The following CDS1 variants were observed in gnomAD, a reference collection of about 807,000 sequenced individuals.
The protein encoded by CDS1 is CDP-diacylglycerol synthase 1.
A neutral mutation model predicts 62.1 loss-of-function variants in CDS1; 41 were observed. The ratio of observed to expected loss-of-function variants is 0.66; its 90% CI spans 0.51 to 0.86. The LOEUF (loss-of-function observed/expected upper bound fraction) is 0.86. Ranked by LOEUF, CDS1 falls within the 40% of genes least tolerant of loss-of-function variation. The probability of loss-of-function intolerance (pLI) is 0.00; values close to 1 mark genes in which losing one functional copy is unlikely to be tolerated. For synonymous variants in CDS1, 185 were observed against 192.6 expected (o/e 0.96, Z 0.32); for missense variants, 470 against 550.1 (o/e 0.85, Z 1.46).
chr4:84,649,743 T>C lies in CDS1; in HGVS notation c.*1057T>C, dbSNP rs547339478. 3 of 152,302 alleles carry C rather than the reference T, an allele frequency of 2.0e-5. No individual in the cohort carries two copies. Among genetic ancestry groups the C allele is most frequent in the East Asian group, 3.9e-4 (2 of 5,180 alleles). 9.4% of individuals were successfully genotyped at this position (152,302 alleles called of 1,614,324 possible). On this transcript the variant is annotated 3_prime_UTR_variant, in exon 13 of 13. Transcript: ENST00000295887. ...TGATCCCAGTCCAGCTTTTTGACCA[T>C]AGGTCATCTTTGTCCCCTTGCTCCT...
intron 3 of CDS1, among the ~76,000 whole-genome samples, chr4:84,613,085 G>GATAT (rs145991468): frequency 6.8e-6 from 1 of 148,108 alleles, no homozygotes; most frequent in African/African-American, 2.5e-5. Flanking sequence ...TACATGCATA[G>GATAT]ATATATATAT....
intron 5 of CDS1, among the ~76,000 whole-genome samples, chr4:84,630,017 C>CT (rs1723972011): frequency 6.6e-6 from 1 of 152,110 alleles, no homozygotes; most frequent in African/African-American, 2.4e-5. Context: ...TGGTTTCTGT[C>CT]TTGTGTCTCT....
At chr4:84,642,868 A>C (rs1053778138) in intron 10 of CDS1, among the ~76,000 whole-genome samples, 156 bp from the exon 11 acceptor site, 2 of 152,174 alleles carry the variant, frequency 1.3e-5, no homozygotes, top group Admixed American at 6.5e-5. Flanking sequence ...GCTTAAATAG[A>C]CTTTTCTTCC....
At chr4:84,613,148 A>G (rs1458806415) in intron 3 of CDS1, among the ~76,000 whole-genome samples, 3 of 152,100 alleles carry the variant, frequency 2.0e-5, no homozygotes, top group African/African-American at 7.2e-5. Context: ...TGATTCACAC[A>G]TATAGTTGGT....
intron 2 of CDS1, among the ~76,000 whole-genome samples, chr4:84,605,413 C>T (rs553709311): frequency 3.1e-4 from 47 of 151,420 alleles, no homozygotes; most frequent in Non-Finnish European, 4.6e-4. Flanking sequence ...CTAGTTTAGT[C>T]GTATCTAGTA....
intron 11 of CDS1, among the ~76,000 whole-genome samples, chr4:84,644,718 T>G (rs1724501939): frequency 6.6e-6 from 1 of 152,190 alleles, no homozygotes; most frequent in Non-Finnish European, 1.5e-5. Flanking sequence ...ATGGGCTCAC[T>G]GTAATTTTAT....
intron 5 of CDS1, among the ~76,000 whole-genome samples, chr4:84,622,003 A>C (rs115403036): frequency 6.6e-6 from 1 of 152,222 alleles, no homozygotes; most frequent in Admixed American, 6.5e-5. Flanking sequence ...TGTGTTTATC[A>C]AAGCACATTT....
intron 8 of CDS1, among the ~76,000 whole-genome samples, chr4:84,636,871 C>T (rs1339833226): frequency 1.3e-5 from 2 of 152,178 alleles, no homozygotes; most frequent in African/African-American, 4.8e-5. Flanking sequence ...TCACACATTT[C>T]ACATTATTGG....
intron 1 of CDS1, among the ~76,000 whole-genome samples, chr4:84,590,626 A>G (rs1165739007): frequency 1.3e-5 from 2 of 152,210 alleles, no homozygotes; most frequent in Non-Finnish European, 2.9e-5. Flanking sequence ...TAAGGACAAT[A>G]CTTGAGCCAA....
At chr4:84,633,626 C>T (rs1578048193) in intron 6 of CDS1, among the ~76,000 whole-genome samples, 1 of 152,030 alleles carries the variant, frequency 6.6e-6, no homozygotes, top group East Asian at 1.9e-4. Flanking sequence ...AATTAGAATT[C>T]TATTTATATA....
intron 1 of CDS1, among the ~76,000 whole-genome samples, chr4:84,602,941 T>C (rs1202163749): frequency 6.6e-6 from 1 of 152,222 alleles, no homozygotes; most frequent in East Asian, 1.9e-4. Context: ...CGTAATTGTG[T>C]ACTTAAAAAG....
chr4:84,611,115 C>T (rs1438887137), intron 3 of CDS1, among the ~76,000 whole-genome samples: 3 of 152,106 alleles, frequency 2.0e-5, no homozygotes, highest in Non-Finnish European at 1.5e-5. Flanking sequence ...TTGGGGAGGA[C>T]CATCACAGGC....
chr4:84,625,580 A>T (rs948903244), intron 5 of CDS1, among the ~76,000 whole-genome samples: 3 of 152,144 alleles, frequency 2.0e-5, no homozygotes, highest in Non-Finnish European at 4.4e-5. Flanking sequence ...TGCAGGCATG[A>T]GAATGAGAAA....
chr4:84,636,942 T>C (rs1724231024), intron 8 of CDS1, among the ~76,000 whole-genome samples: 2 of 152,240 alleles, frequency 1.3e-5, no homozygotes, highest in Admixed American at 1.3e-4. Context: ...GATATTGTTA[T>C]ATGAATGCAG....
Position 84,625,950 on chromosome 4 carries a change from G to A in CDS1, c.581-5869G>A, listed in dbSNP as rs141462712. On this transcript the variant is annotated intron_variant, in intron 5 of 12. Transcript: ENST00000295887. ...TGGGAGGCTGAGGTGGGTGGATCAC[G>A]TGAGGTCAAGAGTTCAAGACCAGCC... Among the ~76,000 whole-genome samples, 950 of 151,678 alleles carry A rather than the reference G, an allele frequency of 6.3e-3. 44 individuals carry two copies. Among genetic ancestry groups the A allele is most frequent in the Admixed American group, 0.059 (891 of 15,226 alleles).
intron 3 of CDS1, 52 bp from the exon 4 acceptor site, chr4:84,617,512 G>T: frequency 1.1e-6 from 1 of 908,928 alleles, no homozygotes; most frequent in East Asian, 2.4e-5. Context: ...GAATGATTAA[G>T]CACAAATGTA....
In CDS1 at chr4:84,635,333, G is replaced by A; in HGVS notation, c.792G>A (p.Gly264=). The change falls in exon 8 of 13, where the codon GGG becomes GGA. Residue 264 remains glycine (G), a synonymous_variant. Transcript: ENST00000295887. ...ITAYLFGFFF[G]RTPLIKLSPK... ...CTTACCTTTTTGGATTTTTTTTTGGGAGAACTCCATTAATTAAGGTAATGG... is the reference window on the plus strand; with the variant it reads ...CTTACCTTTTTGGATTTTTTTTTGGAAGAACTCCATTAATTAAGGTAATGG... 7 of 1,549,418 alleles carry A rather than the reference G, an allele frequency of 4.5e-6. No homozygotes were observed. Among genetic ancestry groups the A allele is most frequent in the Non-Finnish European group, 6.2e-6 (7 of 1,127,722 alleles).
In CDS1 at chr4:84,649,015, G is replaced by A. The variant is rs1724635278; in HGVS notation, c.*329G>A. 2 of 178,794 alleles carry A rather than the reference G, an allele frequency of 1.1e-5. No individual in the cohort carries two copies. Among genetic ancestry groups the A allele is most frequent in the Admixed American group, 6.0e-5 (1 of 16,698 alleles). 11.1% of individuals were successfully genotyped at this position (178,794 alleles called of 1,614,324 possible). ...ACTATAAAATGAGTAAGTTGACGAT[G>A]TTTTAAGATTGCACCTGGCAGTGTG... On this transcript the variant is annotated 3_prime_UTR_variant, in exon 13 of 13. Transcript: ENST00000295887.
Position 84,648,603 on chromosome 4 carries a change from C to T in CDS1, c.1303C>T (p.Pro435Ser). The change falls in exon 13 of 13, where the codon CCT becomes TCT. Residue 435 changes from proline to serine, a missense_variant. By Grantham distance (74) the Pro-to-Ser change is moderately conservative. Coordinates refer to ENST00000295887, the MANE Select transcript of CDS1 (RefSeq NM_001263.4). ...GCTACAGCAGTTGTTGGTGCTTCAA[C>T]CTGAACAGCAGTTAAATATATATAA... The part of the protein sequence containing the change: ...KVLQQLLVLQ[P>S]EQQLNIYKTL... The T allele has an allele frequency of 6.2e-7, 1 of 1,613,848 alleles. No individual in the cohort carries two copies. Among genetic ancestry groups the T allele is most frequent in the South Asian group, 1.1e-5 (1 of 91,044 alleles).
Sources: gnomAD v4.1 joint callset for allele counts (sites outside exome capture counted in the v4.1 genomes callset) on GRCh38, gnomAD v4.1.1 for gene constraint, MANE v1.5 for transcripts, NCBI Gene and HGNC (gene_info 2026-07-23, HGNC 2026-07-21) for gene names.